FBXW12: variants seen among roughly 807,000 people sequenced by gnomAD.
FBXW12 encodes F-box/WD repeat-containing protein 12.
FBXW12 carries 43 observed loss-of-function variants against 55.3 expected under a neutral mutation model. The ratio of observed to expected loss-of-function variants is 0.78; its 90% CI spans 0.61 to 1.00. FBXW12 has a LOEUF of 1.00. Among genes scored for constraint, FBXW12 ranks in the 50% least tolerant of loss-of-function variants. The probability of loss-of-function intolerance (pLI) is 0.00; values close to 1 mark genes in which losing one functional copy is unlikely to be tolerated. For synonymous variants in FBXW12, 184 were observed against 203.8 expected, an observed-to-expected ratio of 0.90 and a Z score of 0.83; for missense variants, 524 against 560.5, an observed-to-expected ratio of 0.93 and a Z score of 0.66.
At chr3:48,378,651 G>A (rs2036721061) in intron 6 of FBXW12, 125 bp downstream of exon 6, 3 of 741,934 alleles carry the variant, frequency 4.0e-6, no homozygotes, top group Non-Finnish European at 4.2e-6. Flanking sequence ...GTCTCACTCT[G>A]TTGCTCAGGC....
At chr3:48,386,552 T>G (rs1367003018) in intron 10 of FBXW12, among the ~76,000 whole-genome samples, 1 of 152,244 alleles carries the variant, frequency 6.6e-6, no homozygotes, top group Non-Finnish European at 1.5e-5. Context: ...TGATAGGGAT[T>G]GCATTGAATC....
At chr3:48,387,175 T>C (rs543985863) in intron 10 of FBXW12, among the ~76,000 whole-genome samples, 2 of 152,302 alleles carry the variant, frequency 1.3e-5, no homozygotes, top group East Asian at 3.9e-4. Flanking sequence ...CAACTCAGAT[T>C]ATCTATTTTA....
rs370807106 is a variant in FBXW12 at position 48,379,575 on chromosome 3, G to C, written c.774+17G>C. On this transcript the variant is annotated intron_variant, in intron 7 of 10. Transcript: ENST00000296438. The stretch of plus-strand genomic sequence containing the variant: ...TTGCCACAGGTAGGTGCTGTTCTGT[G>C]TATTTCAATTTCAGGATAGGAATGT... 2 of 1,611,030 alleles carry C rather than the reference G, an allele frequency of 1.2e-6. No homozygotes were observed. Among genetic ancestry groups the C allele is most frequent in the Non-Finnish European group, 1.7e-6 (2 of 1,177,576 alleles).
chr3:48,373,162 T>G, intron 2 of FBXW12, 146 bp from the exon 3 acceptor site: 3 of 1,199,330 alleles, frequency 2.5e-6, no homozygotes, highest in Non-Finnish European at 3.6e-6. Context: ...TTTCCTTATC[T>G]CCCCACACTG....
chr3:48,381,954 G>T lies in FBXW12; in HGVS notation c.1165-1G>T, dbSNP rs751314970. 2 of 1,614,140 alleles carry T rather than the reference G, an allele frequency of 1.2e-6. No homozygotes were observed. The highest frequency in any genetic ancestry group is 1.7e-6 in the Non-Finnish European group (2 of 1,180,030). On this transcript the variant is annotated splice_acceptor_variant, in intron 9 of 10. Transcript: ENST00000296438. LOFTEE classifies it high-confidence loss of function. ...CCACTCACTCTGGCTATCCTTGGAA[G>T]GATCCTTGCTATGTGCTCACCACAT...
At chr3:48,381,320 C>G (rs984041485) in intron 8 of FBXW12, among the ~76,000 whole-genome samples, 13 of 151,892 alleles carry the variant, frequency 8.6e-5, no homozygotes, top group Admixed American at 3.9e-4. Context: ...TCGCACCCGG[C>G]CAGGAGCAGG....
intron 10 of FBXW12, 100 bp from the exon 11 acceptor site, chr3:48,394,460 G>T: frequency 1.4e-6 from 1 of 702,604 alleles, no homozygotes. Flanking sequence ...CAATTAATTT[G>T]GAAAGTATTG....
At chr3:48,391,750 G>C (rs2036932627) in intron 10 of FBXW12, among the ~76,000 whole-genome samples, 3 of 152,018 alleles carry the variant, frequency 2.0e-5, no homozygotes, top group Admixed American at 2.0e-4. Flanking sequence ...ATGATCATAT[G>C]GTTTTTTGTT....
intron 10 of FBXW12, among the ~76,000 whole-genome samples, chr3:48,385,431 T>A (rs1206627979): frequency 1.3e-5 from 2 of 152,140 alleles, no homozygotes; most frequent in African/African-American, 4.8e-5. Context: ...TACACTTAGG[T>A]TGATTCCATA....
rs751831144 is a variant in FBXW12 at position 48,379,489 on chromosome 3, ACTT to A, written c.708_710del (p.Leu237del). 6.2e-7 allele frequency: 1 copy of A among 1,614,042 alleles called. No homozygotes were observed. The highest frequency in any genetic ancestry group is 1.7e-5 in the Admixed American group (1 of 60,028). On this transcript the variant is annotated inframe_deletion, in exon 7 of 11. Transcript: ENST00000296438. Reference sequence around the variant, plus strand: ...TTACTGCATTTCAATATGGTATTGTACTTCTACACTGCTCTCCTGACAAGAAAT... The same window carrying A: ...TTACTGCATTTCAATATGGTATTGTACTACACTGCTCTCCTGACAAGAAAT...
At chr3:48,383,517 T>C (rs977397610) in intron 10 of FBXW12, among the ~76,000 whole-genome samples, 2 of 152,210 alleles carry the variant, frequency 1.3e-5, no homozygotes, top group Admixed American at 1.3e-4. Flanking sequence ...TTGCAAATAT[T>C]TTCTCCCACT....
chr3:48,382,415 A>G (rs2036791711), intron 10 of FBXW12, among the ~76,000 whole-genome samples: 1 of 152,048 alleles, frequency 6.6e-6, no homozygotes, highest in Non-Finnish European at 1.5e-5. Context: ...CACCCTGCCG[A>G]AAACTTCTAA....
At chr3:48,384,547 ACCT>A (rs1264505050) in intron 10 of FBXW12, among the ~76,000 whole-genome samples, 1 of 152,128 alleles carries the variant, frequency 6.6e-6, no homozygotes, top group Non-Finnish European at 1.5e-5. Context: ...ATTGGCTATA[ACCT>A]CCTGTGTGGC....
chr3:48,391,459 T>C (rs2036928099), intron 10 of FBXW12, among the ~76,000 whole-genome samples: 3 of 152,126 alleles, frequency 2.0e-5, no homozygotes, highest in South Asian at 4.1e-4. Flanking sequence ...GGCTGGCTGC[T>C]CTAGCTAGGA....
At chr3:48,391,612 C>A (rs1025748093) in intron 10 of FBXW12, among the ~76,000 whole-genome samples, 48 of 152,186 alleles carry the variant, frequency 3.2e-4, no homozygotes, top group African/African-American at 1.1e-3. Flanking sequence ...TTCATTATGA[C>A]GTTGCCTGTG....
chr3:48,384,592 G>T (rs1052197011), intron 10 of FBXW12, among the ~76,000 whole-genome samples: 3 of 152,134 alleles, frequency 2.0e-5, no homozygotes, highest in Non-Finnish European at 2.9e-5. Context: ...CCTTCCATTG[G>T]ATGAAAAGTG....
intron 6 of FBXW12, 25 bp from the exon 7 acceptor site, chr3:48,379,375 T>C (rs1402058126): frequency 6.2e-7 from 1 of 1,611,734 alleles, no homozygotes; most frequent in East Asian, 2.2e-5. Flanking sequence ...TTCCTATTGA[T>C]ATGGTGGGGA....
At chr3:48,380,995 C>T in intron 8 of FBXW12, 83 bp downstream of exon 8, 1 of 1,134,102 alleles carries the variant, frequency 8.8e-7, no homozygotes, top group Non-Finnish European at 1.3e-6. Context: ...ATGGGTCAGC[C>T]TGTATAAAGT....
intron 5 of FBXW12, 126 bp from the exon 6 acceptor site, chr3:48,378,191 C>G: frequency 1.4e-6 from 1 of 710,108 alleles, no homozygotes; most frequent in Admixed American, 2.6e-5. Flanking sequence ...GGAGAACTTT[C>G]ATATCCTCTG....
Sources: allele counts gnomAD v4.1 joint callset (sites outside exome capture counted in the v4.1 genomes callset), GRCh38; gene constraint gnomAD v4.1.1; transcripts MANE v1.5; gene names NCBI Gene and HGNC (gene_info 2026-07-23, HGNC 2026-07-21).